Variants in TSBP1 observed in about 807,000 individuals in gnomAD.
TSBP1 encodes the protein testis expressed basic protein 1, also known as testis-expressed basic protein 1.
In TSBP1, 56 loss-of-function variants were observed where a neutral mutation model predicts 68.8. The ratio of observed to expected loss-of-function variants is 0.81; its 90% CI spans 0.66 to 1.02. TSBP1 has a LOEUF of 1.02. Among genes scored for constraint, TSBP1 ranks in the 50% least tolerant of loss-of-function variants. TSBP1 has a pLI of 0.00. For synonymous variants in TSBP1, 171 were observed against 208.7 expected (o/e 0.82, Z 1.56); for missense variants, 502 against 641.2 (o/e 0.78, Z 2.34).
In TSBP1 at chr6:32,338,749, C is replaced by G. The variant is rs1408888401; in HGVS notation, c.409+230G>C. On this transcript the variant is annotated intron_variant, in intron 11 of 22. Coordinates refer to ENST00000612031, the Ensembl canonical transcript of TSBP1. The surrounding 1 kb of genome is among the most constrained non-coding windows in gnomAD (Gnocchi z 5.5). ...TCACTTGACCATTTTTTGTTCTTCA[C>G]TCTTTTCCCTTTGCTGTTGAATCTC... Among the ~76,000 whole-genome samples the G allele has an allele frequency of 6.6e-6, 1 of 152,124 alleles. No individual in the cohort carries two copies. Among genetic ancestry groups the G allele is most frequent in the Non-Finnish European group, 1.5e-5 (1 of 68,026 alleles).
exon 23 of TSBP1, chr6:32,293,277 G>A (rs1378742819): frequency 6.2e-7 from 1 of 1,611,774 alleles, no homozygotes; most frequent in Non-Finnish European, 8.5e-7. Context: ...AGTGTTTCTG[G>A]TACACTCACC....
At chr6:32,358,267 T>C (rs1262340115) in intron 6 of TSBP1, among the ~76,000 whole-genome samples, 1 of 152,180 alleles carries the variant, frequency 6.6e-6, no homozygotes, top group African/African-American at 2.4e-5. Flanking sequence ...GGTATTCTGG[T>C]GGACTGTTAC....
At chr6:32,350,205 T>C (rs1771569222) in intron 8 of TSBP1, 2 of 464,082 alleles carry the variant, frequency 4.3e-6, no homozygotes, top group Non-Finnish European at 8.6e-6. Flanking sequence ...AATTACCACC[T>C]AACTGCTTCA....
rs3749968 is a variant in TSBP1, at chr6:32,316,185, C to T, written c.560-393G>A. 2.2e-4 allele frequency among the ~76,000 whole-genome samples: 34 copies of T among 152,282 alleles called. No homozygotes were observed. In the East Asian group the frequency reaches 5.8e-3, roughly 26 times the overall value. On this transcript the variant is annotated intron_variant, in intron 18 of 22. Transcript: ENST00000612031. The surrounding 1 kb of genome is among the most constrained non-coding windows in gnomAD (Gnocchi z 4.5). ...TTTCATCTCTCAATAATTCTGCTTA[C>T]GTGTTATTTCATAATATTGTTCAGT...
chr6:32,342,724 T>C (rs1770520325), intron 9 of TSBP1, among the ~76,000 whole-genome samples: 2 of 152,346 alleles, frequency 1.3e-5, no homozygotes, highest in East Asian at 1.9e-4. Flanking sequence ...TCTCAATTCA[T>C]GGAGAAATAG....
At chr6:32,367,243 A>AGAG (rs1773845910) in intron 4 of TSBP1, among the ~76,000 whole-genome samples, 1 of 130,662 alleles carries the variant, frequency 7.7e-6, no homozygotes, top group Non-Finnish European at 1.7e-5. Flanking sequence ...GAGGGAAGGA[A>AGAG]AGAGAGAGAG....
At position 32,325,141 on chromosome 6, in the gene TSBP1, T is replaced by C. The variant is rs1768082694; in HGVS notation, c.515-1527A>G. The C allele has an allele frequency of 2.1e-6, 1 of 485,578 alleles. No homozygotes were observed. The highest frequency in any genetic ancestry group is 3.6e-5 in the Admixed American group (1 of 27,844). The allele number at this position is 485,578 out of a possible 1,614,324, so 30.1% of individuals were successfully genotyped here. ...AGTCAGTGAATGTTCTAGAAACTTA[T>C]TAATAATTTATTTATGCCTTTCTGC... is the stretch of plus-strand genomic sequence containing the variant. On this transcript the variant is annotated intron_variant, in intron 16 of 22. Coordinates refer to ENST00000612031, the Ensembl canonical transcript of TSBP1. This position sits in a 1 kb window ranked among gnomAD's most constrained non-coding sequence, Gnocchi z 4.4.
intron 16 of TSBP1, among the ~76,000 whole-genome samples, chr6:32,327,694 C>T (rs1356217481): frequency 3.1e-5 from 4 of 130,486 alleles, no homozygotes; most frequent in African/African-American, 1.1e-4. Context: ...TGCTCTGTTG[C>T]CCAGGCTGGA....
chr6:32,323,629 G>A lies in TSBP1; in HGVS notation c.515-15C>T, dbSNP rs1224062566. On this transcript the variant is annotated splice_polypyrimidine_tract_variant and intron_variant, in intron 16 of 22. Coordinates refer to ENST00000612031, the Ensembl canonical transcript of TSBP1. ...AGGTGGACCAGCTGAAAAACAGAGA[G>A]GTATCTTAGCAACTGTTTTTTCTCC... 2 of 1,611,396 alleles carry A rather than the reference G, an allele frequency of 1.2e-6. No individual in the cohort carries two copies. The highest frequency in any genetic ancestry group is 4.5e-5 in the East Asian group (2 of 44,834).
intron 6 of TSBP1, among the ~76,000 whole-genome samples, chr6:32,362,096 C>T (rs982256271): frequency 1.3e-5 from 2 of 152,016 alleles, no homozygotes; most frequent in Non-Finnish European, 2.9e-5. Flanking sequence ...CAAGACCATC[C>T]TGGCTAACAC....
intron 4 of TSBP1, among the ~76,000 whole-genome samples, chr6:32,367,258 A>AGG (rs1773852617): frequency 6.6e-6 from 1 of 151,400 alleles, no homozygotes; most frequent in Admixed American, 6.6e-5. Flanking sequence ...AGAGAGAGAG[A>AGG]GAGAGAAAGA....
At chr6:32,328,727 A>AT (rs2127595652) in intron 16 of TSBP1, among the ~76,000 whole-genome samples, 2 of 150,810 alleles carry the variant, frequency 1.3e-5, no homozygotes, top group South Asian at 2.1e-4. Context: ...AAATTTTTGT[A>AT]TTTTTAGTAG....
At chr6:32,324,139 T>A (rs1206580934) in intron 16 of TSBP1, among the ~76,000 whole-genome samples, 2 of 152,148 alleles carry the variant, frequency 1.3e-5, no homozygotes, top group Non-Finnish European at 2.9e-5. Context: ...ATGTGTCACA[T>A]GAAAGCAAAA....
chr6:32,364,916 G>A (rs9268351), intron 6 of TSBP1, among the ~76,000 whole-genome samples: 14,954 of 150,890 alleles, frequency 0.099, 1,122 homozygotes, highest in African/African-American at 0.2. Flanking sequence ...CCTTTTTTGA[G>A]AGAAAATCTC....
chr6:32,362,288 C>CAAAAAAAAAA (rs9257083), intron 6 of TSBP1, among the ~76,000 whole-genome samples: 18 of 101,236 alleles, frequency 1.8e-4, no homozygotes, highest in East Asian at 2.9e-4. Flanking sequence ...GACTCCGTCT[C>CAAAAAAAAAA]AAAAAAAAAA....
Position 32,333,077 on chromosome 6 carries a change from C to T in TSBP1, c.473-1023G>A, listed in dbSNP as rs1487165381. Among the ~76,000 whole-genome samples the T allele has an allele frequency of 3.3e-5, 5 of 151,624 alleles. No homozygotes were observed. The highest frequency in any genetic ancestry group is 2.1e-4 in the South Asian group (1 of 4,792). On this transcript the variant is annotated intron_variant, in intron 14 of 22. Transcript: ENST00000612031. This position sits in a 1 kb window ranked among gnomAD's most constrained non-coding sequence, Gnocchi z 4.2. ...AGGCTGGAATGCAGTGGCATGATCT[C>T]GGCTCACTGCAACCTCTGCCTCCTG...
At position 32,304,590 on chromosome 6, in the gene TSBP1, T is replaced by A; in HGVS notation, c.581-1961A>T. The stretch of plus-strand genomic sequence containing the variant: ...TTTCTAATGAAATAAAATATTTTTT[T>A]AAACATTCTTAAACTAGGTCACATT... On this transcript the variant is annotated intron_variant, in intron 19 of 22. Transcript: ENST00000612031. The surrounding 1 kb of genome is among the most constrained non-coding windows in gnomAD (Gnocchi z 4.8). 6.6e-6 allele frequency among the ~76,000 whole-genome samples: 1 copy of A among 152,338 alleles called. No homozygotes were observed. Among genetic ancestry groups the A allele is most frequent in the East Asian group, 1.9e-4 (1 of 5,192 alleles).
At chr6:32,371,745 G>A (rs1258792744) in exon 1 of TSBP1, 1 of 1,613,426 alleles carries the variant, frequency 6.2e-7, no homozygotes, top group South Asian at 1.1e-5. Context: ...GCATCATCTG[G>A]ATTTCTTTGT....
In TSBP1 at chr6:32,364,215, A is replaced by G. The variant is rs564437826; in HGVS notation, c.217+1952T>C. Reference sequence around the variant, plus strand: ...AGAAGTCTTCTTTGGGTTAAATACAATTGGAGAGTTTTGAGTTTCATATAT... The same window carrying G: ...AGAAGTCTTCTTTGGGTTAAATACAGTTGGAGAGTTTTGAGTTTCATATAT... On this transcript the variant is annotated intron_variant, in intron 6 of 22. Transcript: ENST00000612031. 3.2e-4 allele frequency among the ~76,000 whole-genome samples: 48 copies of G among 152,312 alleles called. 1 individual carries two copies. Among genetic ancestry groups the G allele is most frequent in the African/African-American group, 1.1e-3 (46 of 41,576 alleles).
Sources: allele counts gnomAD v4.1 joint callset (sites outside exome capture counted in the v4.1 genomes callset), GRCh38; gene constraint gnomAD v4.1.1; non-coding constraint Gnocchi (gnomAD v3.1); transcripts MANE v1.5; gene names NCBI Gene and HGNC (gene_info 2026-07-23, HGNC 2026-07-21).